DNAJC5B: variants seen among roughly 807,000 people sequenced by gnomAD.
The protein encoded by DNAJC5B is dnaJ homolog subfamily C member 5B.
In DNAJC5B, 23 loss-of-function variants were observed where a neutral mutation model predicts 24.7. That is an observed-to-expected ratio of 0.93 (90% CI 0.67 to 1.32). The LOEUF is 1.32. DNAJC5B is among the 40% of genes most tolerant of loss of function. The probability of loss-of-function intolerance (pLI) is 0.00; values close to 1 mark genes in which losing one functional copy is unlikely to be tolerated. For missense variants in DNAJC5B, 238 were observed against 240.8 expected (o/e 0.99, Z 0.08); for synonymous variants, 101 against 90.1 (o/e 1.12, Z -0.68).
At chr8:66,022,885 T>C (rs1333889407) in intron 1 of DNAJC5B, among the ~76,000 whole-genome samples, 5 of 152,188 alleles carry the variant, frequency 3.3e-5, no homozygotes, top group African/African-American at 9.7e-5. Flanking sequence ...AAAATCTCAT[T>C]GGCCCAGTTT....
At chr8:66,044,921 A>G (rs1050940876) in intron 2 of DNAJC5B, among the ~76,000 whole-genome samples, 6 of 152,194 alleles carry the variant, frequency 3.9e-5, no homozygotes, top group Non-Finnish European at 8.8e-5. Context: ...TGTATTTTAT[A>G]TAAGGAATTT....
At chr8:66,099,901 T>G in intron 5 of DNAJC5B, 36 bp from the exon 6 acceptor site, 70 of 1,575,950 alleles carry the variant, frequency 4.4e-5, no homozygotes, top group Non-Finnish European at 5.7e-5. Context: ...TGTAACATGA[T>G]GAGAGTGTTT....
intron 3 of DNAJC5B, among the ~76,000 whole-genome samples, chr8:66,075,115 G>A (rs1356072426): frequency 4.6e-5 from 7 of 152,088 alleles, no homozygotes; most frequent in Non-Finnish European, 1.5e-5. Flanking sequence ...CGCCCAGGCT[G>A]GAGTGCAGTG....
At chr8:66,082,351 A>G (rs1807615152) in intron 5 of DNAJC5B, among the ~76,000 whole-genome samples, 1 of 152,016 alleles carries the variant, frequency 6.6e-6, no homozygotes, top group Non-Finnish European at 1.5e-5. Context: ...TCCCCAATCC[A>G]GTGTTTCACA....
intron 5 of DNAJC5B, among the ~76,000 whole-genome samples, chr8:66,083,485 T>C (rs990313328): frequency 3.3e-5 from 5 of 152,192 alleles, no homozygotes; most frequent in African/African-American, 1.2e-4. Flanking sequence ...AAACACCTAT[T>C]TAGTTTATTT....
intron 4 of DNAJC5B, among the ~76,000 whole-genome samples, chr8:66,079,379 A>T (rs149925475): frequency 2.4e-4 from 36 of 152,310 alleles, no homozygotes; most frequent in African/African-American, 8.7e-4. Flanking sequence ...AGTATCACTT[A>T]AAAAAAGCAC....
At chr8:66,017,054 T>G (rs776533337), upstream of DNAJC5B, among the ~76,000 whole-genome samples, 16 of 152,296 alleles carry the variant, frequency 1.1e-4, no homozygotes, top group Non-Finnish European at 1.9e-4. Flanking sequence ...TTTCTGTTCT[T>G]CAGAGAAGAG....
rs112005359 is a variant in DNAJC5B at position 66,047,554 on chromosome 8, C to T, written c.-18+3943C>T. 3.9e-3 allele frequency among the ~76,000 whole-genome samples: 594 copies of T among 152,286 alleles called. 3 individuals are homozygous for T. Among genetic ancestry groups the T allele is most frequent in the African/African-American group, 0.013 (548 of 41,540 alleles). ...TACTCCTAAGCTTTTGGGGGTCCCT[C>T]TCTGATGTCCCTAAGTACCGATAAC... On this transcript the variant is annotated intron_variant, in intron 2 of 5. Coordinates refer to ENST00000276570, the MANE Select transcript of DNAJC5B (RefSeq NM_033105.6).
At chr8:66,039,705 C>T (rs972193900) in intron 1 of DNAJC5B, among the ~76,000 whole-genome samples, 1 of 152,188 alleles carries the variant, frequency 6.6e-6, no homozygotes, top group African/African-American at 2.4e-5. Flanking sequence ...TAGCTACTAT[C>T]ACTAACATCA....
chr8:66,085,559 C>T (rs750053924), intron 5 of DNAJC5B, among the ~76,000 whole-genome samples: 16 of 152,044 alleles, frequency 1.1e-4, no homozygotes, highest in Admixed American at 3.3e-4. Flanking sequence ...GGTGACAGAG[C>T]GAGACTCCAT....
chr8:66,031,432 T>C (rs4262311), intron 1 of DNAJC5B, among the ~76,000 whole-genome samples: 1 of 152,076 alleles, frequency 6.6e-6, no homozygotes, highest in Non-Finnish European at 1.5e-5. Flanking sequence ...CATAACAGAA[T>C]TAGCAATCAT....
intron 1 of DNAJC5B, among the ~76,000 whole-genome samples, chr8:66,022,979 C>T (rs967487267): frequency 6.6e-6 from 1 of 152,224 alleles, no homozygotes. Context: ...AATGTCCTAA[C>T]TCATCTCCAT....
chr8:66,032,782 A>G (rs572395830), intron 1 of DNAJC5B, among the ~76,000 whole-genome samples: 4 of 152,300 alleles, frequency 2.6e-5, no homozygotes, highest in Non-Finnish European at 5.9e-5. Context: ...TCATCGCTTG[A>G]TACATTGCTG....
intron 1 of DNAJC5B, among the ~76,000 whole-genome samples, chr8:66,023,076 G>T (rs1259373769): frequency 6.6e-6 from 1 of 152,152 alleles, no homozygotes; most frequent in South Asian, 2.1e-4. Context: ...TTTTAGAGTC[G>T]GAGGGGAACT....
intron 1 of DNAJC5B, among the ~76,000 whole-genome samples, chr8:66,030,740 G>T (rs1450816014): frequency 6.6e-6 from 1 of 152,054 alleles, no homozygotes; most frequent in African/African-American, 2.4e-5. Flanking sequence ...AGGTTCTAGC[G>T]TTTCTTGTGC....
chr8:66,057,113 T>A (rs11778990), intron 3 of DNAJC5B: 17,289 of 152,220 alleles, frequency 0.11, 1,472 homozygotes, highest in East Asian at 0.33. Context: ...CACTCCAGCC[T>A]GGGCGACAGA....
At chr8:66,035,376 G>C (rs1406260410) in intron 1 of DNAJC5B, among the ~76,000 whole-genome samples, 2 of 152,194 alleles carry the variant, frequency 1.3e-5, no homozygotes, top group African/African-American at 4.8e-5. Flanking sequence ...AGGGTCTTTG[G>C]AGATGTCATT....
chr8:66,087,542 G>A (rs1310007706), intron 5 of DNAJC5B, among the ~76,000 whole-genome samples: 1 of 152,114 alleles, frequency 6.6e-6, no homozygotes, highest in Non-Finnish European at 1.5e-5. Context: ...TCTCATCTGA[G>A]ACAAGGCACA....
At chr8:66,077,885 A>G (rs573129903) in intron 4 of DNAJC5B, among the ~76,000 whole-genome samples, 2 of 151,908 alleles carry the variant, frequency 1.3e-5, no homozygotes, top group African/African-American at 4.8e-5. Context: ...CCCCTTTGAA[A>G]CCCCTTTCTC....
Sources: allele counts gnomAD v4.1 joint callset (sites outside exome capture counted in the v4.1 genomes callset), GRCh38; gene constraint gnomAD v4.1.1; transcripts MANE v1.5; gene names NCBI Gene and HGNC (gene_info 2026-07-23, HGNC 2026-07-21).